Variants in LYPD6 observed in about 807,000 individuals in gnomAD.
LYPD6 encodes ly6/PLAUR domain-containing protein 6.
A neutral mutation model predicts 22.7 loss-of-function variants in LYPD6; 15 were observed. The observed-to-expected ratio is 0.66, with a 90% CI of 0.44 to 1.02. LYPD6 has a LOEUF of 1.02. Among genes scored for constraint, LYPD6 ranks in the 50% least tolerant of loss-of-function variants. The probability of loss-of-function intolerance (pLI) is 0.00; values close to 1 mark genes in which losing one functional copy is unlikely to be tolerated. For synonymous variants in LYPD6, 72 were observed against 77.5 expected (o/e 0.93, Z 0.37); for missense variants, 189 against 208.4 (o/e 0.91, Z 0.57).
chr2:149,478,654 C>A (rs551788154), downstream of LYPD6, among the ~76,000 whole-genome samples: 8 of 152,092 alleles, frequency 5.3e-5, no homozygotes, highest in African/African-American at 1.9e-4. Flanking sequence ...AAACTCCTGG[C>A]CTCAAGTGAT....
At chr2:149,402,473 A>G (rs1682581860) in intron 1 of LYPD6, among the ~76,000 whole-genome samples, 1 of 152,182 alleles carries the variant, frequency 6.6e-6, no homozygotes, top group South Asian at 2.1e-4. Flanking sequence ...ACTGTTTTCC[A>G]TAGTGGCTGC....
chr2:149,344,239 A>G (rs1236390365), intron 1 of LYPD6, among the ~76,000 whole-genome samples: 1 of 152,166 alleles, frequency 6.6e-6, no homozygotes, highest in Non-Finnish European at 1.5e-5. Context: ...TTGATCAACA[A>G]TGTACTCTGT....
chr2:149,463,938 G>A (rs769721868), intron 3 of LYPD6, among the ~76,000 whole-genome samples: 52 of 152,062 alleles, frequency 3.4e-4, no homozygotes, highest in Non-Finnish European at 5.6e-4. Flanking sequence ...TGGCTGTGGA[G>A]AAGTTCTGTA....
chr2:149,447,149 G>C (rs1683707401), intron 2 of LYPD6, among the ~76,000 whole-genome samples: 1 of 152,182 alleles, frequency 6.6e-6, no homozygotes, highest in South Asian at 2.1e-4. Context: ...AGTGAAGCAA[G>C]CAAATGATTA....
intron 1 of LYPD6, chr2:149,370,544 G>A (rs1681784901): frequency 6.6e-6 from 1 of 152,142 alleles, no homozygotes; most frequent in Admixed American, 6.5e-5. Flanking sequence ...CACTATTTTG[G>A]AAGCAGAGAA....
chr2:149,353,919 A>G (rs1041763262), intron 1 of LYPD6, among the ~76,000 whole-genome samples: 3 of 152,214 alleles, frequency 2.0e-5, no homozygotes, highest in Non-Finnish European at 4.4e-5. Flanking sequence ...GAGGAGCCAC[A>G]AAAGGGTGGT....
chr2:149,423,394 A>AG (rs1195578537), intron 1 of LYPD6, among the ~76,000 whole-genome samples: 2 of 152,150 alleles, frequency 1.3e-5, no homozygotes, highest in Non-Finnish European at 2.9e-5. Flanking sequence ...TGCATGATGA[A>AG]GGGGGGAAAT....
intron 1 of LYPD6, among the ~76,000 whole-genome samples, chr2:149,333,604 A>G (rs770340564): frequency 1.3e-5 from 2 of 152,210 alleles, no homozygotes; most frequent in Non-Finnish European, 2.9e-5. Context: ...TCATGCAGCA[A>G]ATATTCAGCA....
intron 3 of LYPD6, among the ~76,000 whole-genome samples, chr2:149,451,147 T>C (rs909169514): frequency 5.3e-5 from 8 of 152,122 alleles, no homozygotes; most frequent in African/African-American, 1.9e-4. Context: ...TGCCGGCAGG[T>C]TCTAGAAGGG....
At position 149,412,742 on chromosome 2, in the gene LYPD6, T is replaced by C. The variant is rs1176302801; in HGVS notation, c.-71-24896T>C. ...TGGAAGCCAAAGTACTGTGTCAACT[T>C]TTTTTAAGCAAAAAAAGTATATGTA... On this transcript the variant is annotated intron_variant, in intron 1 of 4. Coordinates refer to ENST00000334166, the MANE Select transcript of LYPD6 (RefSeq NM_194317.5). 5.3e-5 allele frequency among the ~76,000 whole-genome samples: 8 copies of C among 152,218 alleles called. No individual in the cohort carries two copies. The East Asian group carries it at 1.5e-3, about 29-fold the overall frequency.
chr2:149,375,459 T>C (rs1002988721), intron 1 of LYPD6, among the ~76,000 whole-genome samples: 2 of 152,202 alleles, frequency 1.3e-5, no homozygotes, highest in African/African-American at 4.8e-5. Flanking sequence ...TCCTGCCCTC[T>C]GTATTGGCAT....
chr2:149,385,315 A>C (rs369418361), intron 1 of LYPD6, among the ~76,000 whole-genome samples: 2 of 152,172 alleles, frequency 1.3e-5, no homozygotes, highest in African/African-American at 4.8e-5. Flanking sequence ...TTCAGAGCAG[A>C]AGCGTCTGAA....
intron 1 of LYPD6, among the ~76,000 whole-genome samples, chr2:149,346,649 C>T (rs1004428534): frequency 7.9e-5 from 12 of 152,174 alleles, no homozygotes; most frequent in Admixed American, 3.9e-4. Context: ...TTGAGGCTTT[C>T]CAGGCACTTC....
chr2:149,330,569 C>G (rs1395404814), upstream of LYPD6: 1 of 151,054 alleles, frequency 6.6e-6, no homozygotes, highest in African/African-American at 2.4e-5. Flanking sequence ...CGCCCCCCGC[C>G]TCTCCCCGCT....
At chr2:149,449,575 T>C (rs953067144) in intron 3 of LYPD6, among the ~76,000 whole-genome samples, 1 of 152,232 alleles carries the variant, frequency 6.6e-6, no homozygotes, top group Non-Finnish European at 1.5e-5. Flanking sequence ...TTTAGAATTC[T>C]GAATGTCATC....
chr2:149,367,280 G>A (rs181429849), intron 1 of LYPD6, among the ~76,000 whole-genome samples: 38 of 152,264 alleles, frequency 2.5e-4, no homozygotes, highest in Admixed American at 1.2e-3. Context: ...TCCCATGGTT[G>A]CCGCATAATC....
downstream of LYPD6, among the ~76,000 whole-genome samples, chr2:149,478,399 T>C (rs868719943): frequency 1.5e-4 from 23 of 150,086 alleles, no homozygotes; most frequent in East Asian, 4.5e-3. Flanking sequence ...TGTGTGTGTG[T>C]GCGCGCACGC....
chr2:149,430,192 C>T (rs540691403), intron 1 of LYPD6, among the ~76,000 whole-genome samples: 6 of 152,250 alleles, frequency 3.9e-5, no homozygotes, highest in East Asian at 1.9e-4. Context: ...CTCCGCCTCC[C>T]GGGTTCAAGC....
intron 1 of LYPD6, among the ~76,000 whole-genome samples, chr2:149,380,303 G>A (rs957529137): frequency 3.9e-5 from 6 of 152,330 alleles, no homozygotes; most frequent in South Asian, 2.1e-4. Flanking sequence ...TAAGCAGAGC[G>A]AAGATAAGAC....
Sources: gnomAD v4.1 joint callset for allele counts (sites outside exome capture counted in the v4.1 genomes callset) on GRCh38, gnomAD v4.1.1 for gene constraint, MANE v1.5 for transcripts, NCBI Gene and HGNC (gene_info 2026-07-23, HGNC 2026-07-21) for gene names.